Variants in LRP5 observed in about 807,000 individuals in gnomAD.
LRP5 encodes low-density lipoprotein receptor-related protein 5.
LRP5 carries 62 observed loss-of-function variants against 154.1 expected under a neutral mutation model. The observed-to-expected ratio is 0.40, with a 90% CI of 0.33 to 0.50. LRP5 has a LOEUF of 0.50. Among genes scored for constraint, LRP5 ranks in the 20% least tolerant of loss-of-function variants. The pLI is 0.55. For synonymous variants in LRP5, 966 were observed against 1,011.5 expected (o/e 0.96, Z 0.85); for missense variants, 1,915 against 2,336.7 (o/e 0.82, Z 3.72).
rs561503730 is a variant in LRP5 at position 68,438,626 on chromosome 11, C to T, written c.4292C>T (p.Pro1431Leu). ...PFPHEYVSGT[P>L]HVPLNFIAPG... ...CCGCACGAGTATGTCAGCGGGACCC[C>T]GCACGTGCCCCTCAATTTCATAGCC... The change falls in exon 20 of 23, where the codon CCG (proline) becomes CTG (leucine). Residue 1431 changes from proline to leucine, a missense_variant. Pro to Leu is a moderately conservative substitution (Grantham distance 98). Around this residue, in one of 3 missense-constraint regions of LRP5, gnomAD observed 1,094 missense variants for 1,210.1 expected, o/e 0.90. Transcript: ENST00000294304. 18 of 1,613,632 alleles carry T rather than the reference C, an allele frequency of 1.1e-5. No individual in the cohort carries two copies. The highest frequency in any genetic ancestry group is 6.7e-5 in the African/African-American group (5 of 75,068).
chr11:68,332,769 G>A (rs2098603611), intron 1 of LRP5, among the ~76,000 whole-genome samples: 2 of 152,144 alleles, frequency 1.3e-5, no homozygotes, highest in African/African-American at 2.4e-5. Context: ...AGACCTCCTG[G>A]CTTAGCAGGT....
chr11:68,422,631 C>T (rs1017518698), intron 13 of LRP5, among the ~76,000 whole-genome samples: 5 of 152,264 alleles, frequency 3.3e-5, no homozygotes, highest in Non-Finnish European at 5.9e-5. Context: ...ATCTCCTGGA[C>T]GGTGACCCCA....
At chr11:68,315,004 T>C (rs970168358) in intron 1 of LRP5, among the ~76,000 whole-genome samples, 3 of 152,164 alleles carry the variant, frequency 2.0e-5, no homozygotes, top group African/African-American at 7.2e-5. Flanking sequence ...AGGCATTTAG[T>C]AGAACTCACA....
At chr11:68,332,877 T>C (rs2098603689) in intron 1 of LRP5, among the ~76,000 whole-genome samples, 1 of 152,130 alleles carries the variant, frequency 6.6e-6, no homozygotes, top group African/African-American at 2.4e-5. Context: ...GAGCTATTCC[T>C]GGGGTGCTTG....
In LRP5 at chr11:68,413,921, G is replaced by GT. The variant is rs886043590; in HGVS notation, c.2737dup (p.Cys913LeufsTer73). 47 of 1,612,030 alleles carry GT rather than the reference G, an allele frequency of 2.9e-5. No individual in the cohort carries two copies. The highest frequency in any genetic ancestry group is 3.7e-5 in the Non-Finnish European group (44 of 1,180,030). ...ATGACTGTATGCACAACAACGGGCA[G>GT]TGTGGGCAGCTGTGCCTTGCCATCC... On this transcript the variant is annotated frameshift_variant, in exon 12 of 23. Transcript: ENST00000294304. LOFTEE classifies it high-confidence loss of function. The surrounding 1 kb of genome is among the most constrained non-coding windows in gnomAD (Gnocchi z 5.1).
the LRP5 span, among the ~76,000 whole-genome samples, chr11:68,304,309 C>A: frequency 2.0e-5 from 3 of 152,262 alleles, no homozygotes; most frequent in Admixed American, 6.5e-5. Context: ...CAGCCATACA[C>A]CTTGGCAGCT....
At chr11:68,298,851 T>A in the LRP5 span, among the ~76,000 whole-genome samples, 2 of 152,282 alleles carry the variant, frequency 1.3e-5, no homozygotes, top group East Asian at 3.9e-4. Context: ...GCACCTTTGA[T>A]GACTTCCTTT....
Position 68,410,117 on chromosome 11 carries a change from G to A in LRP5, c.2295G>A (p.Ser765=), listed in dbSNP as rs140955013. 5.7e-4 allele frequency: 925 copies of A among 1,613,792 alleles called. 4 individuals carry two copies. The highest frequency in any genetic ancestry group is 4.4e-3 in the African/African-American group (331 of 75,038). The change falls in exon 10 of 23, where the codon TCG becomes TCA. Residue 765 remains serine, a synonymous_variant. Coordinates refer to ENST00000294304, the MANE Select transcript of LRP5 (RefSeq NM_002335.4). The stretch of plus-strand genomic sequence containing the variant: ...GGAGGGACTTGGACAACCCGAGGTC[G>A]CTGGCCCTGGATCCCACCAAGGGGT... ...LVWRDLDNPR[S]LALDPTKGYI... is the part of the protein sequence containing the mutation.
At chr11:68,410,307 C>T (rs547602626) in intron 10 of LRP5, among the ~76,000 whole-genome samples, 167 bp downstream of exon 10, 9 of 152,278 alleles carry the variant, frequency 5.9e-5, no homozygotes, top group African/African-American at 2.2e-4. Context: ...CCTCAGAGGT[C>T]ATGGAGTTCC....
chr11:68,439,814 C>G lies in LRP5; in HGVS notation c.4386C>G (p.Ser1462Arg), dbSNP rs1222954923. Residue 1462 changes from serine (S) to arginine (R), a missense_variant, in exon 21 of 23, where the codon AGC becomes AGG. Transcript: ENST00000294304. The part of the protein sequence containing the change: ...ACGKSMMSSV[S>R]LMGGRGGVPL... ...GAAAGTCCATGATGAGCTCCGTGAG[C>G]CTGATGGGGGGCCGGGGCGGGGTGC... 1 of 1,611,836 alleles carries G rather than the reference C, an allele frequency of 6.2e-7. No individual in the cohort carries two copies. The highest frequency in any genetic ancestry group is 1.1e-5 in the South Asian group (1 of 90,600).
chr11:68,314,695 G>A lies in LRP5; in HGVS notation c.91+1890G>A, dbSNP rs564834396. ...GGCCCAAGTGCTTGTTCCAGGGCCG[G>A]CCTGTCCAGGCACCCCCTCTCCCCC... On this transcript the variant is annotated intron_variant, in intron 1 of 22. Transcript: ENST00000294304. Among the ~76,000 whole-genome samples, 73 of 152,306 alleles carry A rather than the reference G, an allele frequency of 4.8e-4. 1 individual carries two copies. The South Asian group carries it at 0.014, about 29-fold the overall frequency.
At chr11:68,355,943 C>T (rs1048301836) in intron 2 of LRP5, among the ~76,000 whole-genome samples, 3 of 151,968 alleles carry the variant, frequency 2.0e-5, no homozygotes, top group East Asian at 3.9e-4. Flanking sequence ...GGGTTCACGC[C>T]ATTCTCCTGC....
Position 68,413,634 on chromosome 11 carries a change from G to A in LRP5, c.2504-55G>A. 2.0e-6 allele frequency: 3 copies of A among 1,532,100 alleles called. No homozygotes were observed. The highest frequency in any genetic ancestry group is 2.7e-6 in the Non-Finnish European group (3 of 1,107,012). The allele number at this position is 1,532,100 out of a possible 1,614,324, so 94.9% of individuals were successfully genotyped here. A position where few individuals can be genotyped will look rare whatever the true frequency, so the allele number is the denominator to read the frequency against. ...TGGCTCACCCCGCAGGGCGCCGTGT[G>A]CTCTGTGGCCTGGCTGTGCCTTTGC... is the stretch of plus-strand genomic sequence containing the variant. On this transcript the variant is annotated intron_variant, in intron 11 of 22. Transcript: ENST00000294304. This position sits in a 1 kb window ranked among gnomAD's most constrained non-coding sequence, Gnocchi z 5.1.
At chr11:68,333,884 A>C (rs1327181145) in intron 1 of LRP5, among the ~76,000 whole-genome samples, 1 of 152,180 alleles carries the variant, frequency 6.6e-6, no homozygotes, top group African/African-American at 2.4e-5. Flanking sequence ...AGGGGCCGGC[A>C]GTGCGCTCTC....
intron 1 of LRP5, among the ~76,000 whole-genome samples, chr11:68,343,825 C>A (rs534407215): frequency 6.6e-6 from 1 of 152,176 alleles, no homozygotes; most frequent in Non-Finnish European, 1.5e-5. Context: ...GACCCCCTCG[C>A]GGCTGCCATC....
intron 8 of LRP5, among the ~76,000 whole-genome samples, chr11:68,404,741 C>T (rs1474914775): frequency 2.6e-5 from 4 of 152,098 alleles, no homozygotes; most frequent in Non-Finnish European, 4.4e-5. Context: ...GAGGCCGAGG[C>T]GGGTGGATCA....
At chr11:68,351,034 G>T (rs116600012) in intron 2 of LRP5, among the ~76,000 whole-genome samples, 3,122 of 152,288 alleles carry the variant, frequency 0.021, 124 homozygotes, top group African/African-American at 0.067. Flanking sequence ...ACGTGTATGT[G>T]CCCGTGTGAG....
intron 5 of LRP5, among the ~76,000 whole-genome samples, chr11:68,377,702 C>A (rs1435715000): frequency 6.6e-6 from 1 of 152,220 alleles, no homozygotes; most frequent in Non-Finnish European, 1.5e-5. Context: ...TGCACCGTGA[C>A]CCCGTTCATC....
Position 68,406,820 on chromosome 11 carries a change from T to C in LRP5, c.2091+7T>C. 6.2e-7 allele frequency: 1 copy of C among 1,613,566 alleles called. No individual in the cohort carries two copies. Among genetic ancestry groups the C allele is most frequent in the Non-Finnish European group, 8.5e-7 (1 of 1,179,832 alleles). ...GACAGACGTCAGCCTGAAGGTAGCGTGGGCCAGAACGTGCACACAGGCAGC... is the reference window on the plus strand; with the variant it reads ...GACAGACGTCAGCCTGAAGGTAGCGCGGGCCAGAACGTGCACACAGGCAGC... On this transcript the variant is annotated splice_region_variant and intron_variant, in intron 9 of 22. Transcript: ENST00000294304.
Sources: gnomAD v4.1 joint callset for allele counts (sites outside exome capture counted in the v4.1 genomes callset) on GRCh38, gnomAD v4.1.1 for gene constraint, gnomAD v4.1.1 regional missense constraint, Gnocchi (gnomAD v3.1) non-coding constraint, MANE v1.5 for transcripts, NCBI Gene and HGNC (gene_info 2026-07-23, HGNC 2026-07-21) for gene names.